Variants in RIMS2 observed in about 807,000 individuals in gnomAD.
The protein encoded by RIMS2 is regulating synaptic membrane exocytosis protein 2.
A neutral mutation model predicts 174.4 loss-of-function variants in RIMS2; 59 were observed. That is an observed-to-expected ratio of 0.34 (90% CI 0.27 to 0.42). RIMS2 has a LOEUF of 0.42. Ranked by LOEUF, RIMS2 falls within the 10% of genes least tolerant of loss-of-function variation. The probability of loss-of-function intolerance (pLI) is 1.00; values close to 1 mark genes in which losing one functional copy is unlikely to be tolerated. For synonymous variants in RIMS2, 606 were observed against 572.5 expected, an observed-to-expected ratio of 1.06 and a Z score of -0.84; for missense variants, 1,620 against 1,666.3, an observed-to-expected ratio of 0.97 and a Z score of 0.48.
intron 19 of RIMS2, among the ~76,000 whole-genome samples, chr8:104,233,476 G>A (rs908557182): frequency 1.3e-5 from 2 of 152,176 alleles, no homozygotes; most frequent in African/African-American, 4.8e-5. Context: ...ATCTGTAGGA[G>A]TTATCAATCT....
chr8:104,251,012 T>A lies in RIMS2; in HGVS notation c.3692-12T>A, dbSNP rs1411238202. 4 of 1,609,808 alleles carry A rather than the reference T, an allele frequency of 2.5e-6. No individual in the cohort carries two copies. In the African/African-American group the frequency reaches 4.0e-5, roughly 16 times the overall value. On this transcript the variant is annotated splice_polypyrimidine_tract_variant and intron_variant, in intron 22 of 23. Transcript: ENST00000504942. The stretch of plus-strand genomic sequence containing the variant: ...TTTATTGCTCATTCTCCTCTGTGTT[T>A]TCTTTCCCAAGCACCGTATGTAAAA...
intron 16 of RIMS2, among the ~76,000 whole-genome samples, chr8:103,985,680 A>T (rs894752874): frequency 6.6e-6 from 1 of 152,088 alleles, no homozygotes; most frequent in Non-Finnish European, 1.5e-5. Flanking sequence ...CACTCCCATG[A>T]TCATTGCAAC....
intron 19 of RIMS2, among the ~76,000 whole-genome samples, chr8:104,195,237 G>T (rs1488683301): frequency 6.6e-6 from 1 of 152,110 alleles, no homozygotes; most frequent in Non-Finnish European, 1.5e-5. Context: ...ATTAGGGCTT[G>T]GTGATTGATT....
chr8:103,649,729 C>A (rs1177012840), intron 1 of RIMS2, among the ~76,000 whole-genome samples: 2 of 150,358 alleles, frequency 1.3e-5, no homozygotes, highest in South Asian at 4.2e-4. Context: ...CTTTTCTCTG[C>A]TTGGTCTATA....
At chr8:103,984,836 T>C (rs950119278) in intron 16 of RIMS2, among the ~76,000 whole-genome samples, 3 of 152,178 alleles carry the variant, frequency 2.0e-5, no homozygotes, top group Non-Finnish European at 2.9e-5. Context: ...TATTTATGCA[T>C]GGTGGAGTAC....
chr8:103,640,865 T>A (rs960702650), intron 1 of RIMS2, among the ~76,000 whole-genome samples: 2 of 152,126 alleles, frequency 1.3e-5, no homozygotes, highest in Admixed American at 6.6e-5. Flanking sequence ...GTTCATTAGA[T>A]CAATTTTATT....
downstream of RIMS2, chr8:104,254,069 C>T (rs2140377803): frequency 6.6e-6 from 1 of 152,286 alleles, no homozygotes; most frequent in South Asian, 2.1e-4. Context: ...TTATGATTTT[C>T]CTGATACTAA....
intron 1 of RIMS2, among the ~76,000 whole-genome samples, chr8:103,639,443 G>A (rs2096174759): frequency 6.6e-6 from 1 of 151,724 alleles, no homozygotes; most frequent in Non-Finnish European, 1.5e-5. Flanking sequence ...TGTGACTTTT[G>A]TAGTTAATAC....
At chr8:104,058,413 GTTGT>G (rs1248459648) in intron 19 of RIMS2, among the ~76,000 whole-genome samples, 8 of 150,694 alleles carry the variant, frequency 5.3e-5, no homozygotes, top group East Asian at 1.9e-4. Flanking sequence ...TTTTGATGGG[GTTGT>G]TTGTTTTTTT....
intron 1 of RIMS2, among the ~76,000 whole-genome samples, chr8:103,638,836 G>T (rs1395236292): frequency 5.9e-5 from 9 of 152,036 alleles, no homozygotes; most frequent in Non-Finnish European, 1.2e-4. Flanking sequence ...CAAACAAAAT[G>T]AGGAAATACT....
chr8:103,905,258 G>T (rs1332045408), intron 4 of RIMS2, among the ~76,000 whole-genome samples: 1 of 151,706 alleles, frequency 6.6e-6, no homozygotes, highest in African/African-American at 2.4e-5. Context: ...ACTTCCTTTA[G>T]TTATTTTTTT....
chr8:103,939,006 G>T (rs187090873), intron 13 of RIMS2, among the ~76,000 whole-genome samples: 4 of 152,302 alleles, frequency 2.6e-5, no homozygotes, highest in African/African-American at 9.6e-5. Flanking sequence ...GCTTTCATGG[G>T]CTGGCGCTGA....
chr8:104,169,329 T>C (rs1563509548), intron 19 of RIMS2, among the ~76,000 whole-genome samples: 1 of 39,528 alleles, frequency 2.5e-5, no homozygotes, highest in Non-Finnish European at 4.5e-5. Context: ...TATATATATA[T>C]ATATATATAT....
At chr8:103,737,818 T>C (rs1385509844) in intron 2 of RIMS2, among the ~76,000 whole-genome samples, 1 of 152,212 alleles carries the variant, frequency 6.6e-6, no homozygotes, top group Admixed American at 6.5e-5. Flanking sequence ...TCATCTTTGA[T>C]ATAGTTCTCC....
At chr8:103,988,987 T>C (rs1440428930) in intron 16 of RIMS2, among the ~76,000 whole-genome samples, 1 of 152,210 alleles carries the variant, frequency 6.6e-6, no homozygotes, top group African/African-American at 2.4e-5. Context: ...GAGTATATTA[T>C]TGAGTATCAG....
At chr8:103,589,629 T>C (rs1044315522) in intron 1 of RIMS2, among the ~76,000 whole-genome samples, 2 of 151,668 alleles carry the variant, frequency 1.3e-5, no homozygotes, top group East Asian at 3.9e-4. Context: ...TCTGAACTCC[T>C]ATGTTTGTTG....
chr8:104,244,142 T>A (rs2099318055), intron 19 of RIMS2, among the ~76,000 whole-genome samples: 1 of 152,196 alleles, frequency 6.6e-6, no homozygotes, highest in African/African-American at 2.4e-5. Context: ...CTGTGTCACA[T>A]CTGTAGTATT....
intron 1 of RIMS2, among the ~76,000 whole-genome samples, chr8:103,521,192 G>T (rs1371218334): frequency 1.3e-5 from 2 of 150,554 alleles, no homozygotes; most frequent in African/African-American, 2.4e-5. Context: ...GCTAAATGAG[G>T]AGTTAATGGG....
exon 12 of RIMS2, chr8:103,931,361 T>C (rs2079893416): frequency 1.9e-6 from 3 of 1,601,590 alleles, no homozygotes; most frequent in East Asian, 2.2e-5. Context: ...CAAGGAATCC[T>C]TATGTTAAAA....
Sources: gnomAD v4.1 joint callset for allele counts (sites outside exome capture counted in the v4.1 genomes callset) on GRCh38, gnomAD v4.1.1 for gene constraint, MANE v1.5 for transcripts, NCBI Gene and HGNC (gene_info 2026-07-23, HGNC 2026-07-21) for gene names.